The following GARRE1 variants were observed in gnomAD, a reference collection of about 807,000 sequenced individuals.
GARRE1 encodes the protein granule associated Rac and RHOG effector 1.
In GARRE1, 49 loss-of-function variants were observed where a neutral mutation model predicts 103.2. The ratio of observed to expected loss-of-function variants is 0.47; its 90% confidence interval spans 0.38 to 0.60. The LOEUF (loss-of-function observed/expected upper bound fraction) is 0.60. GARRE1 is among the 20% of genes least tolerant of loss of function. The pLI is 0.00. For synonymous variants in GARRE1, 505 were observed against 532.8 expected, an observed-to-expected ratio of 0.95 and a Z score of 0.72; for missense variants, 1,199 against 1,370.5, an observed-to-expected ratio of 0.87 and a Z score of 1.98.
chr19:34,320,365 G>A (rs2074080851), intron 3 of GARRE1, among the ~76,000 whole-genome samples: 1 of 152,224 alleles, frequency 6.6e-6, no homozygotes, highest in Non-Finnish European at 1.5e-5. Flanking sequence ...ACAAAAACAG[G>A]GCTAAGGGGC....
At chr19:34,317,980 C>T (rs2074067571) in intron 2 of GARRE1, among the ~76,000 whole-genome samples, 1 of 152,174 alleles carries the variant, frequency 6.6e-6, no homozygotes, top group South Asian at 2.1e-4. Context: ...GGGAAGGGCT[C>T]TGAAGGAGGT....
chr19:34,257,325 C>G (rs960984498), intron 1 of GARRE1, among the ~76,000 whole-genome samples: 1 of 152,108 alleles, frequency 6.6e-6, no homozygotes, highest in Non-Finnish European at 1.5e-5. Context: ...TGGGATATCA[C>G]ATGGGTTGGG....
intron 1 of GARRE1, among the ~76,000 whole-genome samples, chr19:34,260,832 A>G (rs2073713005): frequency 6.6e-6 from 1 of 152,254 alleles, no homozygotes; most frequent in Non-Finnish European, 1.5e-5. Flanking sequence ...CCAGGAAGGC[A>G]TGCATGGAAT....
At chr19:34,286,647 G>A (rs2073888627) in intron 1 of GARRE1, among the ~76,000 whole-genome samples, 3 of 151,106 alleles carry the variant, frequency 2.0e-5, no homozygotes, top group South Asian at 2.1e-4. Flanking sequence ...GACTACAGGC[G>A]CCCGCTACCA....
At chr19:34,330,727 CTTTT>C (rs1213759081) in intron 7 of GARRE1, among the ~76,000 whole-genome samples, 32 of 102,078 alleles carry the variant, frequency 3.1e-4, no homozygotes, top group African/African-American at 9.7e-4. Flanking sequence ...GACCCTGCCT[CTTTT>C]TTTTTTTTTT....
At chr19:34,260,369 C>A (rs1341337113) in intron 1 of GARRE1, among the ~76,000 whole-genome samples, 1 of 152,190 alleles carries the variant, frequency 6.6e-6, no homozygotes, top group African/African-American at 2.4e-5. Context: ...TAAAAAACAT[C>A]ATGTGACTTG....
At chr19:34,344,696 A>G (rs1308891294) in intron 10 of GARRE1, among the ~76,000 whole-genome samples, 4 of 151,584 alleles carry the variant, frequency 2.6e-5, no homozygotes, top group South Asian at 2.1e-4. Context: ...TTTTTGAGAC[A>G]GAGTCTCACG....
chr19:34,351,498 C>T lies in GARRE1; in HGVS notation c.2826-16C>T. The T allele has an allele frequency of 6.2e-7, 1 of 1,608,748 alleles. No individual in the cohort carries two copies. Among genetic ancestry groups the T allele is most frequent in the Non-Finnish European group, 8.5e-7 (1 of 1,175,248 alleles). ...GAAGCCAAGCAATCACTGCCCTGAG[C>T]TCTTGGTTCTTGCAGGAAACACAGC... On this transcript the variant is annotated splice_polypyrimidine_tract_variant and intron_variant, in intron 12 of 13. Coordinates refer to ENST00000299505, the MANE Select transcript of GARRE1 (RefSeq NM_014686.5).
chr19:34,263,085 T>C (rs9973277), intron 1 of GARRE1, among the ~76,000 whole-genome samples: 1 of 151,878 alleles, frequency 6.6e-6, no homozygotes, highest in Non-Finnish European at 1.5e-5. Context: ...TGGTGGCGGG[T>C]GCCTGTAATC....
intron 1 of GARRE1, among the ~76,000 whole-genome samples, chr19:34,266,494 TG>T (rs2073752482): frequency 6.6e-6 from 1 of 152,206 alleles, no homozygotes; most frequent in Non-Finnish European, 1.5e-5. Flanking sequence ...CCTGAGTAGC[TG>T]GGACTGTAGG....
intron 5 of GARRE1, 22 bp from the exon 6 acceptor site, chr19:34,327,967 TC>T (rs923535045): frequency 1.2e-6 from 2 of 1,614,130 alleles, no homozygotes. Context: ...TCACCTCTCC[TC>T]TTCCATCCAT....
At chr19:34,289,852 A>G (rs2073907758) in intron 1 of GARRE1, among the ~76,000 whole-genome samples, 1 of 152,200 alleles carries the variant, frequency 6.6e-6, no homozygotes, top group Admixed American at 6.5e-5. Context: ...TGATTCTGAG[A>G]CTACATGTGG....
At chr19:34,264,628 G>C (rs1169421824) in intron 1 of GARRE1, among the ~76,000 whole-genome samples, 2 of 152,108 alleles carry the variant, frequency 1.3e-5, no homozygotes, top group East Asian at 3.8e-4. Context: ...TTGATCTCCT[G>C]ACCTTGTGAT....
rs2074078817 is a variant in GARRE1 at position 34,320,081 on chromosome 19, G to C, written c.670G>C (p.Glu224Gln). The C allele has an allele frequency of 6.2e-7, 1 of 1,614,236 alleles. No homozygotes were observed. Among genetic ancestry groups the C allele is most frequent in the Non-Finnish European group, 8.5e-7 (1 of 1,180,050 alleles). ...TGGCATGGGCCACACACCTGAAGTA[G>C]AGGAAGCTGTGCGGTCCTGGCGGGG... is the stretch of plus-strand genomic sequence containing the variant. ...LSGMGHTPEVEEAVRSWRGAA... is the reference protein window; with the variant it reads ...LSGMGHTPEVQEAVRSWRGAA... The change falls in exon 3 of 14, where the codon GAG becomes CAG. Residue 224 changes from glutamate (E) to glutamine (Q), a missense_variant. Transcript: ENST00000299505.
At chr19:34,268,556 C>T (rs1009998355) in intron 1 of GARRE1, among the ~76,000 whole-genome samples, 1 of 152,050 alleles carries the variant, frequency 6.6e-6, no homozygotes, top group Non-Finnish European at 1.5e-5. Context: ...TCTTAGAGTA[C>T]AGTTAAGTCC....
At chr19:34,345,162 A>G (rs1019660525) in intron 10 of GARRE1, among the ~76,000 whole-genome samples, 13 of 151,990 alleles carry the variant, frequency 8.6e-5, no homozygotes, top group Admixed American at 7.2e-4. Flanking sequence ...CATGTTGGCC[A>G]GGCTGGTCTT....
In GARRE1 at chr19:34,341,922, A is replaced by C. The variant is rs139898787; in HGVS notation, c.1988A>C (p.Gln663Pro). The C allele has an allele frequency of 8.7e-6, 14 of 1,614,076 alleles. No individual in the cohort carries two copies. Among genetic ancestry groups the C allele is most frequent in the Middle Eastern group, 1.6e-4 (1 of 6,084 alleles). Residue 663 changes from glutamine to proline, a missense_variant, in exon 10 of 14, where the codon CAG becomes CCG. By Grantham distance (76) the Gln-to-Pro change is moderately conservative. Transcript: ENST00000299505. Reference protein sequence around the residue: ...LSGFNMGQSHQGSPLVTRHNS... With the variant: ...LSGFNMGQSHPGSPLVTRHNS... ...GGCTTTAACATGGGCCAGTCACATC[A>C]GGGCTCTCCGTTGGTGACAAGGCAT...
intron 2 of GARRE1, among the ~76,000 whole-genome samples, chr19:34,304,638 A>G (rs939678422): frequency 1.3e-5 from 2 of 152,072 alleles, no homozygotes; most frequent in Non-Finnish European, 2.9e-5. Flanking sequence ...TCGGCCTTCC[A>G]AAGTGTTGGA....
At chr19:34,343,808 C>T (rs768591675) in intron 10 of GARRE1, among the ~76,000 whole-genome samples, 6 of 152,194 alleles carry the variant, frequency 3.9e-5, no homozygotes, top group Non-Finnish European at 7.3e-5. Context: ...GATCACACCA[C>T]AGCAGCCCAG....
Sources: allele counts gnomAD v4.1 joint callset (sites outside exome capture counted in the v4.1 genomes callset), GRCh38; gene constraint gnomAD v4.1.1; transcripts MANE v1.5; gene names NCBI Gene and HGNC (gene_info 2026-07-23, HGNC 2026-07-21).